Variants in LAMA2 observed in about 807,000 individuals in gnomAD.
LAMA2 encodes laminin subunit alpha 2, also known as laminin subunit alpha-2.
In LAMA2, 269 loss-of-function variants were observed where a neutral mutation model predicts 364.8. The observed-to-expected ratio is 0.74, with a 90% CI of 0.67 to 0.82. The LOEUF (loss-of-function observed/expected upper bound fraction) is 0.82, where lower values mean the gene tolerates loss of function less well. LAMA2 is among the 40% of genes least tolerant of loss of function. The probability of loss-of-function intolerance (pLI) is 0.00; values close to 1 mark genes in which losing one functional copy is unlikely to be tolerated. For missense variants in LAMA2, 3,807 were observed against 3,873.2 expected (o/e 0.98, Z 0.45); for synonymous variants, 1,379 against 1,370.6 (o/e 1.01, Z -0.14).
intron 12 of LAMA2, among the ~76,000 whole-genome samples, chr6:129,241,454 A>T (rs1351440558): frequency 1.3e-5 from 2 of 152,224 alleles, no homozygotes; most frequent in African/African-American, 4.8e-5. Flanking sequence ...TTTATTGAAT[A>T]CATGTTATGT....
chr6:129,478,477 G>A (rs1437469075), intron 53 of LAMA2, among the ~76,000 whole-genome samples: 1 of 152,084 alleles, frequency 6.6e-6, no homozygotes, highest in Non-Finnish European at 1.5e-5. Context: ...AGGGGAGAAG[G>A]ACTACAAAAA....
Position 129,278,515 on chromosome 6 carries a change from T to A in LAMA2, c.2451-1546T>A, listed in dbSNP as rs144277394. ...TGGATGAGAGGAAATCCTTTTTTTTTATTTTATTTTAACCTGTGCATCTTC... is the reference window on the plus strand; with the variant it reads ...TGGATGAGAGGAAATCCTTTTTTTTAATTTTATTTTAACCTGTGCATCTTC... On this transcript the variant is annotated intron_variant, in intron 17 of 64. Transcript: ENST00000421865. Among the ~76,000 whole-genome samples the A allele has an allele frequency of 1.3e-3, 204 of 152,296 alleles. 1 individual carries two copies. Among genetic ancestry groups the A allele is most frequent in the African/African-American group, 3.9e-3 (163 of 41,566 alleles).
chr6:129,207,357 TAACTC>T (rs746614629), intron 12 of LAMA2, among the ~76,000 whole-genome samples: 81 of 152,290 alleles, frequency 5.3e-4, no homozygotes, highest in Non-Finnish European at 7.6e-4. Context: ...TTGTGAGTAA[TAACTC>T]AACTCCTGGT....
At chr6:129,115,487 CTG>C (rs1447853647) in intron 4 of LAMA2, among the ~76,000 whole-genome samples, 1 of 152,016 alleles carries the variant, frequency 6.6e-6, no homozygotes, top group African/African-American at 2.4e-5. Context: ...TTCCCAGCTG[CTG>C]TTTATTCATT....
intron 1 of LAMA2, among the ~76,000 whole-genome samples, chr6:128,946,768 G>A (rs74765611): frequency 1.9e-3 from 286 of 152,162 alleles, no homozygotes; most frequent in African/African-American, 6.2e-3. Flanking sequence ...ATAAACCAGC[G>A]CCCAGTTGGA....
chr6:129,200,274 GTA>G lies in LAMA2; in HGVS notation c.1782+7430_1782+7431del, dbSNP rs147216290. 9.1e-4 allele frequency among the ~76,000 whole-genome samples: 78 copies of G among 86,140 alleles called. 2 individuals carry two copies. Among genetic ancestry groups the G allele is most frequent in the South Asian group, 6.9e-3 (17 of 2,456 alleles). 56.5% of individuals were successfully genotyped at this position (86,140 alleles called of 152,430 possible). A position where few individuals can be genotyped will look rare whatever the true frequency, so the allele number is the denominator to read the frequency against. ...TATATACGTGTACACATATACATGT[GTA>G]TATATATACGTGTACACATATACAT... On this transcript the variant is annotated intron_variant, in intron 12 of 64. Transcript: ENST00000421865.
intron 58 of LAMA2, among the ~76,000 whole-genome samples, chr6:129,498,688 T>C (rs1039124964): frequency 2.7e-5 from 4 of 149,724 alleles, no homozygotes; most frequent in African/African-American, 9.7e-5. Context: ...TATTGACTCA[T>C]GAAAGAAGAA....
At chr6:128,978,835 G>A (rs1275406209) in intron 1 of LAMA2, among the ~76,000 whole-genome samples, 4 of 152,152 alleles carry the variant, frequency 2.6e-5, no homozygotes, top group Admixed American at 6.5e-5. Flanking sequence ...GGGCAAATTC[G>A]GGTAAGACAG....
intron 48 of LAMA2, among the ~76,000 whole-genome samples, chr6:129,457,798 G>A (rs566661890): frequency 6.6e-6 from 1 of 152,062 alleles, no homozygotes; most frequent in Non-Finnish European, 1.5e-5. Context: ...CTGAGATCAA[G>A]GTACTGGCAG....
intron 1 of LAMA2, among the ~76,000 whole-genome samples, chr6:129,007,986 A>G (rs1161836356): frequency 6.6e-6 from 1 of 152,192 alleles, no homozygotes; most frequent in South Asian, 2.1e-4. Context: ...TTTTATGGGC[A>G]GTTTTAAACC....
intron 22 of LAMA2, among the ~76,000 whole-genome samples, chr6:129,306,662 A>G (rs1773898488): frequency 6.6e-6 from 1 of 151,110 alleles, no homozygotes; most frequent in African/African-American, 2.4e-5. Flanking sequence ...TTATTTTTGT[A>G]TCTGTATTTT....
chr6:129,138,179 T>C (rs1224331751), intron 4 of LAMA2, among the ~76,000 whole-genome samples: 12 of 151,980 alleles, frequency 7.9e-5, no homozygotes, highest in Non-Finnish European at 1.3e-4. Flanking sequence ...GAATGAGTGA[T>C]AGACTGACTA....
At chr6:129,191,002 G>A (rs180834967) in intron 11 of LAMA2, among the ~76,000 whole-genome samples, 1 of 152,302 alleles carries the variant, frequency 6.6e-6, no homozygotes, top group Admixed American at 6.5e-5. Flanking sequence ...AAAAGTGTCA[G>A]AGGAAAATGG....
In LAMA2 at chr6:129,144,141, T is replaced by A. The variant is rs190466285; in HGVS notation, c.819+61T>A. ...GATATCCCACTTATCTTTTTGTCTGTTAAATACTTTAAAAATGTTTTCAGT... is the reference window on the plus strand; with the variant it reads ...GATATCCCACTTATCTTTTTGTCTGATAAATACTTTAAAAATGTTTTCAGT... On this transcript the variant is annotated intron_variant, in intron 5 of 64. Transcript: ENST00000421865. The A allele has an allele frequency of 3.0e-6, 4 of 1,324,642 alleles. No individual in the cohort carries two copies. The Admixed American group carries it at 6.8e-5, about 22-fold the overall frequency. The allele number at this position is 1,324,642 out of a possible 1,614,324, so 82.1% of individuals were successfully genotyped here.
chr6:128,938,528 T>A (rs566697867), intron 1 of LAMA2, among the ~76,000 whole-genome samples: 5 of 152,268 alleles, frequency 3.3e-5, no homozygotes, highest in South Asian at 2.1e-4. Context: ...AAGATTTTTT[T>A]AAATCTAGCA....
chr6:128,994,565 T>G (rs922866100), intron 1 of LAMA2, among the ~76,000 whole-genome samples: 1 of 152,238 alleles, frequency 6.6e-6, no homozygotes, highest in Non-Finnish European at 1.5e-5. Flanking sequence ...AAATTGAATT[T>G]AAGTTCTACT....
chr6:129,198,845 C>T (rs1782006120), intron 12 of LAMA2, among the ~76,000 whole-genome samples: 1 of 151,904 alleles, frequency 6.6e-6, no homozygotes, highest in South Asian at 2.1e-4. Flanking sequence ...GTCAGATAAA[C>T]ATTAAAGTAA....
At chr6:128,913,549 G>A (rs1373511970) in intron 1 of LAMA2, among the ~76,000 whole-genome samples, 2 of 152,116 alleles carry the variant, frequency 1.3e-5, no homozygotes, top group Non-Finnish European at 2.9e-5. Context: ...TTTAATACAA[G>A]ATTCCATTTT....
chr6:128,911,184 T>C (rs1441153079), intron 1 of LAMA2, among the ~76,000 whole-genome samples: 1 of 152,202 alleles, frequency 6.6e-6, no homozygotes, highest in African/African-American at 2.4e-5. Context: ...GCTTCCCGGC[T>C]GCTTTGTTTA....
Sources: gnomAD v4.1 joint callset for allele counts (sites outside exome capture counted in the v4.1 genomes callset) on GRCh38, gnomAD v4.1.1 for gene constraint, MANE v1.5 for transcripts, NCBI Gene and HGNC (gene_info 2026-07-23, HGNC 2026-07-21) for gene names.